DNAH17: variants seen among roughly 807,000 people sequenced by gnomAD.
The protein encoded by DNAH17 is dynein axonemal heavy chain 17.
In DNAH17, 376 loss-of-function variants were observed where a neutral mutation model predicts 485.6. The ratio of observed to expected loss-of-function variants is 0.77; its 90% confidence interval spans 0.71 to 0.84. The LOEUF is 0.84. Ranked by LOEUF, DNAH17 falls within the 40% of genes least tolerant of loss-of-function variation. The pLI is 0.00. For synonymous variants in DNAH17, 3,031 were observed against 2,405.9 expected, an observed-to-expected ratio of 1.26 and a Z score of -7.60; for missense variants, 6,370 against 5,839.3, an observed-to-expected ratio of 1.09 and a Z score of -2.96.
intron 18 of DNAH17, 122 bp downstream of exon 18, chr17:78,539,615 A>C: frequency 1.1e-6 from 1 of 919,494 alleles, no homozygotes; most frequent in Non-Finnish European, 1.5e-6. Flanking sequence ...AGATTGCATA[A>C]GATATATTTT....
Position 78,464,485 on chromosome 17 carries a change from T to C in DNAH17, c.8941-1408A>G, listed in dbSNP as rs1175346195. On this transcript the variant is annotated intron_variant, in intron 56 of 80. Coordinates refer to ENST00000389840, the MANE Select transcript of DNAH17 (RefSeq NM_173628.4). ...CATGTTGGCCAGGCTGATCTCGAAC[T>C]CCTGACCTCAAGTGATCTGCCCGCT... Among the ~76,000 whole-genome samples, 3 of 152,340 alleles carry C rather than the reference T, an allele frequency of 2.0e-5. No individual in the cohort carries two copies. The East Asian group carries it at 5.8e-4, about 29-fold the overall frequency.
Position 78,437,727 on chromosome 17 carries a change from T to C in DNAH17, c.11947A>G (p.Ile3983Val), listed in dbSNP as rs185118009. 321 of 1,612,364 alleles carry C rather than the reference T, an allele frequency of 2.0e-4. No homozygotes were observed. The East Asian group carries it at 7.0e-3, about 35-fold the overall frequency. ...GTGATCTTGATGGCGTTCTCCAGAATGCCCTGGGGGATGATGTGGGTCTCG... is the reference window on the plus strand; with the variant it reads ...GTGATCTTGATGGCGTTCTCCAGAACGCCCTGGGGGATGATGTGGGTCTCG... Reference protein sequence around the residue: ...SPETHIIPQGILENAIKITNE... With the variant: ...SPETHIIPQGVLENAIKITNE... The change falls in exon 74 of 81, where the codon ATT becomes GTT. Residue 3983 changes from isoleucine to valine, a missense_variant. Ile to Val is a conservative substitution (Grantham distance 29). Coordinates refer to ENST00000389840, the MANE Select transcript of DNAH17 (RefSeq NM_173628.4).
At chr17:78,568,646 C>T (rs541699827) in intron 9 of DNAH17, among the ~76,000 whole-genome samples, 50 of 152,220 alleles carry the variant, frequency 3.3e-4, no homozygotes, top group African/African-American at 1.1e-3. Flanking sequence ...ACTGCAGTGG[C>T]GCAATCATGA....
At chr17:78,446,460 G>A (rs1446885916) in intron 69 of DNAH17, among the ~76,000 whole-genome samples, 2 of 152,078 alleles carry the variant, frequency 1.3e-5, no homozygotes, top group East Asian at 3.9e-4. Flanking sequence ...TTAGCGTGAT[G>A]CTTCTGAGGT....
rs555541435 is a variant in DNAH17 at position 78,506,805 on chromosome 17, G to A, written c.4718C>T (p.Thr1573Met). The A allele has an allele frequency of 4.0e-5, 64 of 1,613,982 alleles. No homozygotes were observed. The highest frequency in any genetic ancestry group is 2.4e-4 in the African/African-American group (18 of 75,016). Residue 1573 changes from threonine (T) to methionine (M), a missense_variant, in exon 30 of 81, where the codon ACG (threonine) becomes ATG (methionine). By Grantham distance (81) the Thr-to-Met change is moderately conservative (BLOSUM62 -1). Coordinates refer to ENST00000389840, the MANE Select transcript of DNAH17 (RefSeq NM_173628.4). The stretch of plus-strand genomic sequence containing the variant: ...GAACCGGGGGAAAGCCAGTCTTTTC[G>A]TCTCTAAATACTCTGCCAAAGCCTT... ...CEKALAEYLETKRLAFPRFYF... is the reference protein window; with the variant it reads ...CEKALAEYLEMKRLAFPRFYF...
At chr17:78,426,692 T>G (rs2086479915) in intron 78 of DNAH17, 92 bp from the exon 79 acceptor site, 1 of 1,501,862 alleles carries the variant, frequency 6.7e-7, no homozygotes, top group Non-Finnish European at 9.0e-7. Flanking sequence ...CAACACAGTG[T>G]GGCTTTGTGC....
chr17:78,538,123 G>A (rs1229488876), intron 18 of DNAH17, among the ~76,000 whole-genome samples: 1 of 124,460 alleles, frequency 8.0e-6, no homozygotes, highest in Non-Finnish European at 1.6e-5. Context: ...CTGGGCAAGA[G>A]CAAAACTCTG....
Position 78,486,065 on chromosome 17 carries a change from C to T in DNAH17, c.7170G>A (p.Ser2390=), listed in dbSNP as rs375654866. The change falls in exon 46 of 81, where the codon TCG becomes TCA. Residue 2390 remains serine, a synonymous_variant. Coordinates refer to ENST00000389840, the MANE Select transcript of DNAH17 (RefSeq NM_173628.4). ...INEFKTIKFP[S]QGTIFDYYID... Reference sequence around the variant, plus strand: ...TGTAGTAGTCAAAAATCGTTCCCTGCGAGGGGAACTTGATAGTCTTGAATT... The same window carrying T: ...TGTAGTAGTCAAAAATCGTTCCCTGTGAGGGGAACTTGATAGTCTTGAATT... 232 of 1,613,892 alleles carry T rather than the reference C, an allele frequency of 1.4e-4. No individual in the cohort carries two copies. Among genetic ancestry groups the T allele is most frequent in the Middle Eastern group, 3.3e-4 (2 of 6,062 alleles).
At chr17:78,445,509 G>A (rs1473166831) in intron 70 of DNAH17, 49 bp downstream of exon 70, 15 of 1,545,388 alleles carry the variant, frequency 9.7e-6, no homozygotes, top group Non-Finnish European at 1.3e-5. Flanking sequence ...GCTGGAGGGG[G>A]CTCCACGGCG....
chr17:78,470,431 T>G (rs942357316), intron 54 of DNAH17, among the ~76,000 whole-genome samples: 1 of 150,970 alleles, frequency 6.6e-6, no homozygotes, highest in Admixed American at 6.6e-5. Flanking sequence ...GGCTCACACC[T>G]GTAATCCCAG....
intron 16 of DNAH17, among the ~76,000 whole-genome samples, chr17:78,545,918 G>A (rs755360356): frequency 5.3e-5 from 8 of 151,930 alleles, no homozygotes; most frequent in Non-Finnish European, 1.2e-4. Flanking sequence ...AATATTTTAT[G>A]TGTATGTATG....
chr17:78,497,542 A>G (rs2090118806), intron 37 of DNAH17, among the ~76,000 whole-genome samples: 1 of 152,210 alleles, frequency 6.6e-6, no homozygotes, highest in Admixed American at 6.5e-5. Flanking sequence ...GGGTTTGTTC[A>G]TGGACGTCGG....
At chr17:78,536,678 C>G (rs2091382746) in intron 19 of DNAH17, among the ~76,000 whole-genome samples, 1 of 151,610 alleles carries the variant, frequency 6.6e-6, no homozygotes, top group Non-Finnish European at 1.5e-5. Flanking sequence ...GAGACCTTGT[C>G]TCAAAAAAAT....
At chr17:78,477,949 TATC>T (rs1162509623) in intron 51 of DNAH17, among the ~76,000 whole-genome samples, 4 of 130,498 alleles carry the variant, frequency 3.1e-5, no homozygotes, top group East Asian at 2.3e-4. Context: ...CCATCACCAT[TATC>T]ATCTCCACCA....
chr17:78,544,662 C>T (rs900440223), intron 16 of DNAH17, among the ~76,000 whole-genome samples: 1 of 152,056 alleles, frequency 6.6e-6, no homozygotes, highest in Middle Eastern at 3.4e-3. Flanking sequence ...ATTAGCCGCG[C>T]ATGGTGGCGG....
intron 14 of DNAH17, among the ~76,000 whole-genome samples, chr17:78,554,435 T>TC (rs1191293762): frequency 8.2e-5 from 2 of 24,322 alleles, no homozygotes; most frequent in Non-Finnish European, 1.6e-4. Flanking sequence ...AGACTCTGTC[T>TC]CAAAAAAAAA....
chr17:78,476,320 CCCT>C (rs2089017305), intron 52 of DNAH17, among the ~76,000 whole-genome samples: 2 of 92,208 alleles, frequency 2.2e-5, no homozygotes, highest in African/African-American at 1.1e-4. Flanking sequence ...TCACGTGGAA[CCCT>C]CGGACCCACA....
chr17:78,506,902 T>A, intron 29 of DNAH17, 56 bp from the exon 30 acceptor site: 1 of 1,605,284 alleles, frequency 6.2e-7, no homozygotes, highest in South Asian at 1.1e-5. Flanking sequence ...TAGGGATGTC[T>A]GCCACCCACC....
chr17:78,438,357 G>A (rs537900746), intron 73 of DNAH17, among the ~76,000 whole-genome samples: 59 of 138,820 alleles, frequency 4.3e-4, no homozygotes, highest in African/African-American at 1.3e-3. Context: ...TCGTGCTAGC[G>A]TTGAACCAAA....
Sources: allele counts gnomAD v4.1 joint callset (sites outside exome capture counted in the v4.1 genomes callset), GRCh38; gene constraint gnomAD v4.1.1; transcripts MANE v1.5; gene names NCBI Gene and HGNC (gene_info 2026-07-23, HGNC 2026-07-21).